Variants in STIM1 observed in about 807,000 individuals in gnomAD.
STIM1 encodes stromal interaction molecule 1.
Under a neutral mutation model 74.7 loss-of-function variants are expected in STIM1, and 25 were observed. The observed-to-expected ratio is 0.33, with a 90% CI of 0.24 to 0.47. The LOEUF is 0.47. Among genes scored for constraint, STIM1 ranks in the 20% least tolerant of loss-of-function variants. The pLI is 1.00. For synonymous variants in STIM1, 328 were observed against 348.8 expected (o/e 0.94, Z 0.66); for missense variants, 728 against 920.8 (o/e 0.79, Z 2.71).
chr11:4,088,180 A>G (rs141310264), intron 12 of STIM1, among the ~76,000 whole-genome samples: 2 of 152,300 alleles, frequency 1.3e-5, no homozygotes, highest in African/African-American at 4.8e-5. Context: ...CTAATACCCA[A>G]GATGGTAGAC....
intron 2 of STIM1, among the ~76,000 whole-genome samples, chr11:3,996,923 A>G (rs1458650858): frequency 5.9e-5 from 9 of 152,310 alleles, no homozygotes; most frequent in African/African-American, 2.2e-4. Context: ...ATTTACCCCA[A>G]TTAAGAAGAT....
In STIM1 at chr11:3,999,084, G is replaced by A. The variant is rs528963339; in HGVS notation, c.271-24789G>A. Among the ~76,000 whole-genome samples, 18 of 152,330 alleles carry A rather than the reference G, an allele frequency of 1.2e-4. 1 individual carries two copies. In the South Asian group the frequency reaches 3.7e-3, roughly 32 times the overall value. ...AAACTGGCTGGGCATGGTGGCTTAT[G>A]CCTGCAATCCCATCACTTTGGGAAG... On this transcript the variant is annotated intron_variant, in intron 2 of 12. Transcript: ENST00000526596.
intron 1 of STIM1, among the ~76,000 whole-genome samples, chr11:3,937,770 A>G (rs1171954875): frequency 6.6e-6 from 1 of 152,114 alleles, no homozygotes; most frequent in Non-Finnish European, 1.5e-5. Flanking sequence ...GGCTAAGTCT[A>G]GAAGTGTTTC....
chr11:3,996,747 T>A (rs2093666672), intron 2 of STIM1, among the ~76,000 whole-genome samples: 1 of 152,234 alleles, frequency 6.6e-6, no homozygotes, highest in African/African-American at 2.4e-5. Context: ...CTTTAAATGG[T>A]TGCTTTTGAA....
intron 1 of STIM1, among the ~76,000 whole-genome samples, chr11:3,864,085 G>A (rs1323419682): frequency 6.6e-6 from 1 of 151,950 alleles, no homozygotes; most frequent in Non-Finnish European, 1.5e-5. Flanking sequence ...GGCCAAACCA[G>A]GCTTTTATTC....
intron 3 of STIM1, among the ~76,000 whole-genome samples, chr11:4,053,085 G>A: frequency 6.6e-6 from 1 of 152,170 alleles, no homozygotes; most frequent in South Asian, 2.1e-4. Flanking sequence ...GAAACAACAG[G>A]TGCTGGAGAG....
chr11:3,876,311 A>G (rs548091563), intron 1 of STIM1, among the ~76,000 whole-genome samples: 3 of 152,318 alleles, frequency 2.0e-5, no homozygotes, highest in South Asian at 2.1e-4. Context: ...AGACCTAGGT[A>G]GGAAGAAGGA....
In STIM1 at chr11:4,067,359, G is replaced by T. The variant is rs566153213; in HGVS notation, c.614-2667G>T. Among the ~76,000 whole-genome samples the T allele has an allele frequency of 3.9e-5, 6 of 152,302 alleles. No homozygotes were observed. In the South Asian group the frequency reaches 8.3e-4, roughly 21 times the overall value. On this transcript the variant is annotated intron_variant, in intron 5 of 12. Coordinates refer to ENST00000526596, the MANE Select transcript of STIM1 (RefSeq NM_001382567.1). ...TTAAGGCCTGGTTATTTGGCCTTGGGGTATTCACTGCCCTGATGGCAATGC... is the reference window on the plus strand; with the variant it reads ...TTAAGGCCTGGTTATTTGGCCTTGGTGTATTCACTGCCCTGATGGCAATGC...
chr11:3,865,202 A>G (rs2090807607), intron 1 of STIM1, among the ~76,000 whole-genome samples: 1 of 152,204 alleles, frequency 6.6e-6, no homozygotes, highest in Non-Finnish European at 1.5e-5. Flanking sequence ...AAATCCTAGT[A>G]TGTGAAAGCT....
At chr11:3,962,922 G>A (rs1240404278) in intron 1 of STIM1, among the ~76,000 whole-genome samples, 1 of 151,948 alleles carries the variant, frequency 6.6e-6, no homozygotes, top group East Asian at 1.9e-4. Context: ...ATAAAAATTT[G>A]TGTTTTACTT....
chr11:4,044,807 C>T (rs1218570801), intron 3 of STIM1, among the ~76,000 whole-genome samples: 1 of 152,162 alleles, frequency 6.6e-6, no homozygotes, highest in Non-Finnish European at 1.5e-5. Context: ...AACCCCGTGC[C>T]TCACTTAATG....
intron 1 of STIM1, among the ~76,000 whole-genome samples, chr11:3,905,938 C>G (rs1255201427): frequency 6.6e-6 from 1 of 152,176 alleles, no homozygotes; most frequent in Non-Finnish European, 1.5e-5. Context: ...GACTTAATAT[C>G]TGGGATGAGG....
intron 1 of STIM1, among the ~76,000 whole-genome samples, chr11:3,878,667 G>C (rs1395363652): frequency 2.0e-5 from 3 of 152,170 alleles, no homozygotes; most frequent in Non-Finnish European, 4.4e-5. Context: ...TTCAAATGCA[G>C]AGTCATGAGA....
At position 4,035,205 on chromosome 11, in the gene STIM1, A is replaced by G. The variant is rs139919987; in HGVS notation, c.385+11218A>G. 3.8e-3 allele frequency among the ~76,000 whole-genome samples: 568 copies of G among 150,006 alleles called. 2 individuals carry two copies. The South Asian group carries it at 0.04, about 11-fold the overall frequency. On this transcript the variant is annotated intron_variant, in intron 3 of 12. Coordinates refer to ENST00000526596, the MANE Select transcript of STIM1 (RefSeq NM_001382567.1). Reference sequence around the variant, plus strand: ...TTTCTTCTTTTCTAATACAGAATTTAGTGCTGTAAATCTCCCTTAACTACT... The same window carrying G: ...TTTCTTCTTTTCTAATACAGAATTTGGTGCTGTAAATCTCCCTTAACTACT...
At chr11:3,871,666 C>G (rs1221115334) in intron 1 of STIM1, among the ~76,000 whole-genome samples, 1 of 151,972 alleles carries the variant, frequency 6.6e-6, no homozygotes, top group Non-Finnish European at 1.5e-5. Context: ...TTTTCATTTT[C>G]TTCCCTCTTC....
chr11:4,053,773 GA>G (rs927924787), intron 3 of STIM1, among the ~76,000 whole-genome samples: 17 of 148,218 alleles, frequency 1.1e-4, no homozygotes, highest in South Asian at 2.1e-4. Context: ...CGACCAAATA[GA>G]AAAAAAAAAA....
At chr11:4,059,419 C>A (rs1484524433) in intron 5 of STIM1, 23 bp downstream of exon 5, 1 of 1,601,322 alleles carries the variant, frequency 6.2e-7, no homozygotes, top group South Asian at 1.1e-5. Context: ...TTGAGAAGGG[C>A]TACTGCTGTG....
At chr11:4,017,218 T>C (rs1334531327) in intron 2 of STIM1, among the ~76,000 whole-genome samples, 1 of 152,240 alleles carries the variant, frequency 6.6e-6, no homozygotes, top group African/African-American at 2.4e-5. Context: ...TCCACTGGGT[T>C]CTGCCTTTCT....
At chr11:3,892,887 C>T (rs561627198) in intron 1 of STIM1, 138 of 1,521,050 alleles carry the variant, frequency 9.1e-5, no homozygotes, top group Non-Finnish European at 1.1e-4. Context: ...GGGTTAACCA[C>T]GGCTGATAGT....
Sources: gnomAD v4.1 joint callset for allele counts (sites outside exome capture counted in the v4.1 genomes callset) on GRCh38, gnomAD v4.1.1 for gene constraint, MANE v1.5 for transcripts, NCBI Gene and HGNC (gene_info 2026-07-23, HGNC 2026-07-21) for gene names.